TYR: variants seen among roughly 807,000 people sequenced by gnomAD.
TYR encodes the protein tyrosinase.
Under a neutral mutation model 51.5 loss-of-function variants are expected in TYR, and 58 were observed. The observed-to-expected ratio is 1.13, with a 90% confidence interval of 0.91 to 1.40. The LOEUF is 1.40. Ranked by LOEUF, TYR falls within the 40% of genes most tolerant of loss-of-function variation. The pLI is 0.00. For missense variants in TYR, 732 were observed against 647.4 expected, an observed-to-expected ratio of 1.13 and a Z score of -1.42; for synonymous variants, 263 against 235.2, an observed-to-expected ratio of 1.12 and a Z score of -1.08.
chr11:89,259,607 C>T (rs1450990221), intron 3 of TYR, among the ~76,000 whole-genome samples: 1 of 152,058 alleles, frequency 6.6e-6, no homozygotes, highest in Non-Finnish European at 1.5e-5. Context: ...AAGCCAAAGT[C>T]AAACCAGAGT....
chr11:89,222,281 G>T (rs1007150216), intron 2 of TYR, among the ~76,000 whole-genome samples: 1 of 152,126 alleles, frequency 6.6e-6, no homozygotes, highest in Non-Finnish European at 1.5e-5. Context: ...AGAACGACCC[G>T]GAGTGGTTTT....
intron 3 of TYR, among the ~76,000 whole-genome samples, chr11:89,280,138 T>G (rs2135320982): frequency 6.6e-6 from 1 of 151,736 alleles, no homozygotes; most frequent in East Asian, 1.9e-4. Flanking sequence ...GAACATATCC[T>G]TAGTTTATGG....
At chr11:89,191,987 T>C (rs377101455) in intron 2 of TYR, 126 of 446,476 alleles carry the variant, frequency 2.8e-4, no homozygotes, top group African/African-American at 2.3e-3. Context: ...TTTAGTGTTT[T>C]AGTTTTCTCC....
At chr11:89,221,647 CCTCAAT>C (rs1943912976) in intron 2 of TYR, among the ~76,000 whole-genome samples, 1 of 152,120 alleles carries the variant, frequency 6.6e-6, no homozygotes, top group Non-Finnish European at 1.5e-5. Flanking sequence ...GTACTTAATT[CCTCAAT>C]CAAGTTGCAC....
In TYR at chr11:89,273,148, A is replaced by G. The variant is rs542778847; in HGVS notation, c.1185-11625A>G. 2.6e-5 allele frequency among the ~76,000 whole-genome samples: 4 copies of G among 151,998 alleles called. No homozygotes were observed. The South Asian group carries it at 6.2e-4, about 24-fold the overall frequency. ...TGTATTTCACATAAAAGGCCTAGCT[A>G]TGTTGGCTTTGGACATGCTTTCCTC... On this transcript the variant is annotated intron_variant, in intron 3 of 4. Coordinates refer to ENST00000263321, the MANE Select transcript of TYR (RefSeq NM_000372.5).
At position 89,240,841 on chromosome 11, in the gene TYR, A is replaced by G. The variant is rs145840180; in HGVS notation, c.1184+12871A>G. Among the ~76,000 whole-genome samples, 457 of 152,320 alleles carry G rather than the reference A, an allele frequency of 3.0e-3. 2 individuals are homozygous for G. Among genetic ancestry groups the G allele is most frequent in the African/African-American group, 9.9e-3 (410 of 41,590 alleles). ...TATGATTAATAGGTAAGTTACAAAT[A>G]GAGAAGTTCAATTTATAGTTAAAAT... On this transcript the variant is annotated intron_variant, in intron 3 of 4. Transcript: ENST00000263321.
intron 3 of TYR, among the ~76,000 whole-genome samples, chr11:89,282,787 C>T (rs1200269686): frequency 6.6e-6 from 1 of 151,708 alleles, no homozygotes; most frequent in Non-Finnish European, 1.5e-5. Flanking sequence ...TCACTAAAGG[C>T]ACTGCTCACA....
At chr11:89,271,035 T>A (rs995936574) in intron 3 of TYR, among the ~76,000 whole-genome samples, 2 of 151,894 alleles carry the variant, frequency 1.3e-5, no homozygotes, top group African/African-American at 4.8e-5. Context: ...ATGTAGCCAT[T>A]GAGCTAATCT....
chr11:89,240,012 G>A (rs1944170851), intron 3 of TYR, among the ~76,000 whole-genome samples: 1 of 152,036 alleles, frequency 6.6e-6, no homozygotes, highest in South Asian at 2.1e-4. Flanking sequence ...ATTTTCTGTT[G>A]CTGTTAGAAT....
chr11:89,236,402 T>A (rs1944114653), intron 3 of TYR, among the ~76,000 whole-genome samples: 2 of 152,326 alleles, frequency 1.3e-5, no homozygotes, highest in South Asian at 4.1e-4. Context: ...CTCTGCAACC[T>A]TTGAAAATTA....
chr11:89,266,399 T>A (rs1944526276), intron 3 of TYR, among the ~76,000 whole-genome samples: 1 of 151,924 alleles, frequency 6.6e-6, no homozygotes, highest in South Asian at 2.1e-4. Context: ...GTTCACATAT[T>A]TTTTACTTTC....
intron 2 of TYR, among the ~76,000 whole-genome samples, chr11:89,224,190 A>G (rs540838078): frequency 1.3e-5 from 2 of 152,284 alleles, no homozygotes; most frequent in East Asian, 3.9e-4. Context: ...AGAGTGCACC[A>G]TATTCTTGGT....
chr11:89,227,162 A>C (rs953912099), intron 2 of TYR, among the ~76,000 whole-genome samples: 1 of 152,168 alleles, frequency 6.6e-6, no homozygotes, highest in Non-Finnish European at 1.5e-5. Flanking sequence ...ATGTCACAAT[A>C]AACATTTAGC....
At chr11:89,274,206 T>C (rs1944623950) in intron 3 of TYR, among the ~76,000 whole-genome samples, 1 of 151,910 alleles carries the variant, frequency 6.6e-6, no homozygotes, top group Admixed American at 6.6e-5. Flanking sequence ...TTAGATTGTA[T>C]GATTCTCTTT....
chr11:89,202,622 T>TACATACACACACACACACACAC (rs1555086932), intron 2 of TYR, among the ~76,000 whole-genome samples: 4 of 141,280 alleles, frequency 2.8e-5, no homozygotes, highest in Admixed American at 7.1e-5. Flanking sequence ...ATTTTCATAA[T>TACATACACACACACACACACAC]ACACACACAC....
In TYR at chr11:89,269,632, C is replaced by G. The variant is rs527797338; in HGVS notation, c.1185-15141C>G. ...ACTGATTCCCCAAGGGTTTGTTTCC[C>G]CTTTTTTCAACTAAGTTAAGAACTT... On this transcript the variant is annotated intron_variant, in intron 3 of 4. Coordinates refer to ENST00000263321, the MANE Select transcript of TYR (RefSeq NM_000372.5). Among the ~76,000 whole-genome samples the G allele has an allele frequency of 2.0e-5, 3 of 151,898 alleles. No homozygotes were observed. The South Asian group carries it at 6.2e-4, about 32-fold the overall frequency.
At chr11:89,229,475 G>A (rs1944016219) in intron 3 of TYR, among the ~76,000 whole-genome samples, 1 of 151,628 alleles carries the variant, frequency 6.6e-6, no homozygotes, top group Non-Finnish European at 1.5e-5. Context: ...GAACTACCCA[G>A]TGAACTCTAA....
chr11:89,188,550 T>C (rs1320834414), intron 1 of TYR, among the ~76,000 whole-genome samples: 2 of 152,078 alleles, frequency 1.3e-5, no homozygotes, highest in African/African-American at 4.8e-5. Flanking sequence ...TGTTGTGGTG[T>C]AAATACTGAC....
At chr11:89,242,854 T>A (rs1944217233) in intron 3 of TYR, among the ~76,000 whole-genome samples, 1 of 152,114 alleles carries the variant, frequency 6.6e-6, no homozygotes, top group Non-Finnish European at 1.5e-5. Flanking sequence ...TCTAAAATGC[T>A]CTCTATAAAG....
Sources: allele counts gnomAD v4.1 joint callset (sites outside exome capture counted in the v4.1 genomes callset), GRCh38; gene constraint gnomAD v4.1.1; transcripts MANE v1.5; gene names NCBI Gene and HGNC (gene_info 2026-07-23, HGNC 2026-07-21).